CERT1: variants seen among roughly 807,000 people sequenced by gnomAD.
CERT1 encodes ceramide transfer protein.
CERT1 carries 31 observed loss-of-function variants against 87.9 expected under a neutral mutation model. That is an observed-to-expected ratio of 0.35 (90% CI 0.27 to 0.48). The LOEUF is 0.48. Ranked by LOEUF, CERT1 falls within the 20% of genes least tolerant of loss-of-function variation. CERT1 has a pLI of 0.99. For synonymous variants in CERT1, 289 were observed against 250.9 expected, an observed-to-expected ratio of 1.15 and a Z score of -1.44; for missense variants, 487 against 758.0, an observed-to-expected ratio of 0.64 and a Z score of 4.20.
At chr5:75,444,848 T>C (rs1026647351) in intron 3 of CERT1, among the ~76,000 whole-genome samples, 2 of 152,172 alleles carry the variant, frequency 1.3e-5, no homozygotes, top group African/African-American at 2.4e-5. Context: ...CCCAGCCTAG[T>C]TGATTTTTCA....
chr5:75,435,656 T>C (rs1764062369), intron 3 of CERT1, among the ~76,000 whole-genome samples: 1 of 152,152 alleles, frequency 6.6e-6, no homozygotes, highest in Non-Finnish European at 1.5e-5. Flanking sequence ...TTGGGTTTAG[T>C]TGATTGGTTT....
At chr5:75,394,629 G>A (rs910829605) in intron 11 of CERT1, among the ~76,000 whole-genome samples, 1 of 152,180 alleles carries the variant, frequency 6.6e-6, no homozygotes, top group Non-Finnish European at 1.5e-5. Flanking sequence ...GGAGACTGAG[G>A]CAGGTGGATC....
intron 11 of CERT1, among the ~76,000 whole-genome samples, chr5:75,392,143 G>A (rs541870985): frequency 9.2e-5 from 14 of 152,254 alleles, no homozygotes; most frequent in African/African-American, 2.4e-4. Context: ...AAATATAAAC[G>A]CGTAGTAGGT....
downstream of CERT1, chr5:75,374,001 G>C (rs1251229991): frequency 5.0e-6 from 2 of 398,178 alleles, no homozygotes; most frequent in African/African-American, 2.1e-5. Context: ...GCTGAGCAAG[G>C]AGATCTAGCA....
chr5:75,470,932 T>C (rs1034255146), intron 2 of CERT1, among the ~76,000 whole-genome samples: 1 of 152,130 alleles, frequency 6.6e-6, no homozygotes, highest in African/African-American at 2.4e-5. Context: ...AGTGTTTTTA[T>C]ACACTAACAA....
intron 3 of CERT1, among the ~76,000 whole-genome samples, chr5:75,433,164 G>T (rs1763944310): frequency 6.6e-6 from 1 of 152,032 alleles, no homozygotes; most frequent in Non-Finnish European, 1.5e-5. Flanking sequence ...GCTGAGGATT[G>T]TTCTATTTGG....
rs1346847302 is a variant in CERT1 at position 75,395,579 on chromosome 5, A to AT, written c.1188+3730dup. ...ACAAAAAAAAAAAAAAAAAAAAAAA[A>AT]TGCTGGGCATGGTGTCTCAGGCCTG... On this transcript the variant is annotated intron_variant, in intron 11 of 16. Coordinates refer to ENST00000643780, the MANE Select transcript of CERT1 (RefSeq NM_001379029.1). 2.0e-5 allele frequency among the ~76,000 whole-genome samples: 3 copies of AT among 150,300 alleles called. No individual in the cohort carries two copies. The East Asian group carries it at 5.8e-4, about 29-fold the overall frequency.
At chr5:75,398,033 AAAATT>A (rs1762327819) in intron 11 of CERT1, among the ~76,000 whole-genome samples, 1 of 151,808 alleles carries the variant, frequency 6.6e-6, no homozygotes, top group Non-Finnish European at 1.5e-5. Flanking sequence ...ATAAATAAGT[AAAATT>A]AAAAAAAAAT....
intron 2 of CERT1, among the ~76,000 whole-genome samples, chr5:75,486,092 C>CA (rs1029742405): frequency 6.6e-6 from 1 of 152,040 alleles, no homozygotes; most frequent in Non-Finnish European, 1.5e-5. Flanking sequence ...AACATTGATA[C>CA]AAAAATCCTC....
At chr5:75,483,970 T>C (rs1766383065) in intron 2 of CERT1, among the ~76,000 whole-genome samples, 1 of 152,062 alleles carries the variant, frequency 6.6e-6, no homozygotes, top group Admixed American at 6.5e-5. Context: ...ACTACTCATA[T>C]CTTGAGTAGT....
chr5:75,411,194 A>G, intron 7 of CERT1, 91 bp from the exon 8 acceptor site: 1 of 693,464 alleles, frequency 1.4e-6, no homozygotes, highest in Non-Finnish European at 2.4e-6. Context: ...CATTTCACTG[A>G]AATTTTACAA....
At chr5:75,413,237 T>C (rs1484912052) in intron 7 of CERT1, among the ~76,000 whole-genome samples, 1 of 152,346 alleles carries the variant, frequency 6.6e-6, no homozygotes, top group East Asian at 1.9e-4. Flanking sequence ...CACAGTTGTA[T>C]ATGTGGTCCA....
chr5:75,420,277 C>G (rs1362483364), intron 5 of CERT1, among the ~76,000 whole-genome samples: 1 of 151,650 alleles, frequency 6.6e-6, no homozygotes, highest in Non-Finnish European at 1.5e-5. Flanking sequence ...CACACCCAGG[C>G]GAGAGTTCTT....
intron 3 of CERT1, among the ~76,000 whole-genome samples, chr5:75,432,347 C>T (rs1232798322): frequency 6.6e-6 from 1 of 152,220 alleles, no homozygotes; most frequent in East Asian, 1.9e-4. Context: ...AGCCACCACG[C>T]CCGGCCAAGC....
At chr5:75,485,521 C>T (rs1387563257) in intron 2 of CERT1, among the ~76,000 whole-genome samples, 1 of 151,518 alleles carries the variant, frequency 6.6e-6, no homozygotes, top group African/African-American at 2.4e-5. Context: ...TAATAAACAT[C>T]AGAGACAAAT....
chr5:75,478,984 G>A (rs1766104908), intron 2 of CERT1, among the ~76,000 whole-genome samples: 1 of 147,120 alleles, frequency 6.8e-6, no homozygotes, highest in African/African-American at 2.5e-5. Context: ...GCTCGAAGGT[G>A]CTTCTATTAG....
chr5:75,421,161 A>C (rs1209157986), intron 5 of CERT1, among the ~76,000 whole-genome samples: 2 of 152,314 alleles, frequency 1.3e-5, no homozygotes, highest in African/African-American at 4.8e-5. Flanking sequence ...AGGAATCTAC[A>C]TTTTAAACTA....
At chr5:75,498,143 G>A (rs1296133179) in intron 2 of CERT1, among the ~76,000 whole-genome samples, 1 of 152,132 alleles carries the variant, frequency 6.6e-6, no homozygotes, top group Non-Finnish European at 1.5e-5. Flanking sequence ...TGAAAGACAT[G>A]ATTTAAGGTC....
chr5:75,409,824 C>G (rs905150610), intron 8 of CERT1, among the ~76,000 whole-genome samples: 2 of 150,650 alleles, frequency 1.3e-5, no homozygotes, highest in Non-Finnish European at 3.0e-5. Context: ...ACCGTGCTGG[C>G]CAACACGTTT....
Sources: gnomAD v4.1 joint callset for allele counts (sites outside exome capture counted in the v4.1 genomes callset) on GRCh38, gnomAD v4.1.1 for gene constraint, MANE v1.5 for transcripts, NCBI Gene and HGNC (gene_info 2026-07-23, HGNC 2026-07-21) for gene names.